Variants in CAMK1D observed in about 807,000 individuals in gnomAD.
The protein encoded by CAMK1D is calcium/calmodulin-dependent protein kinase type 1D.
A neutral mutation model predicts 47.7 loss-of-function variants in CAMK1D; 9 were observed. That is an observed-to-expected ratio of 0.19 (90% CI 0.11 to 0.33). The LOEUF (loss-of-function observed/expected upper bound fraction) is 0.33, where lower values mean the gene tolerates loss of function less well. CAMK1D is among the 10% of genes least tolerant of loss of function. The probability of loss-of-function intolerance (pLI) is 1.00; values close to 1 mark genes in which losing one functional copy is unlikely to be tolerated. For synonymous variants in CAMK1D, 184 were observed against 184.9 expected (o/e 0.99, Z 0.04); for missense variants, 291 against 488.7 (o/e 0.60, Z 3.81).
intron 1 of CAMK1D, among the ~76,000 whole-genome samples, chr10:12,352,549 C>T (rs1290008575): frequency 6.6e-6 from 1 of 151,650 alleles, no homozygotes; most frequent in Admixed American, 6.6e-5. Flanking sequence ...GCAGAGATTT[C>T]AGTGAGTTGA....
At chr10:12,561,466 T>G (rs757545476) in intron 2 of CAMK1D, among the ~76,000 whole-genome samples, 3 of 152,072 alleles carry the variant, frequency 2.0e-5, no homozygotes, top group Non-Finnish European at 2.9e-5. Context: ...ATGATGGCCC[T>G]TCCTTAGCAG....
intron 1 of CAMK1D, among the ~76,000 whole-genome samples, chr10:12,474,182 C>G (rs1053682292): frequency 1.4e-5 from 2 of 146,860 alleles, no homozygotes; most frequent in African/African-American, 5.0e-5. Flanking sequence ...ACTGCTACCT[C>G]TTCAATGAGG....
At chr10:12,697,232 A>G (rs1472703722) in intron 3 of CAMK1D, among the ~76,000 whole-genome samples, 2 of 152,222 alleles carry the variant, frequency 1.3e-5, no homozygotes, top group Admixed American at 1.3e-4. Context: ...AACCAGAGCT[A>G]GAAACAGACT....
intron 1 of CAMK1D, among the ~76,000 whole-genome samples, chr10:12,547,669 C>CTCTT (rs1836430780): frequency 2.9e-5 from 2 of 68,160 alleles, no homozygotes; most frequent in Admixed American, 3.0e-4. Flanking sequence ...CTCTCTCTCT[C>CTCTT]TCTTTCTCTC....
intron 3 of CAMK1D, among the ~76,000 whole-genome samples, chr10:12,692,099 A>C (rs1157994016): frequency 6.6e-6 from 1 of 152,156 alleles, no homozygotes; most frequent in Non-Finnish European, 1.5e-5. Context: ...TTTAAGCCAA[A>C]TGGTTGAATT....
intron 1 of CAMK1D, among the ~76,000 whole-genome samples, chr10:12,371,493 G>A (rs1245242863): frequency 6.6e-6 from 1 of 150,726 alleles, no homozygotes; most frequent in Non-Finnish European, 1.5e-5. Context: ...GGAGAATGGC[G>A]TGAACCCAGT....
chr10:12,479,494 C>T (rs1221228769), intron 1 of CAMK1D, among the ~76,000 whole-genome samples: 1 of 152,194 alleles, frequency 6.6e-6, no homozygotes, highest in African/African-American at 2.4e-5. Flanking sequence ...CGAGCCCGGC[C>T]GAGAAGCTGC....
chr10:12,607,859 G>C (rs1838509351), intron 2 of CAMK1D, among the ~76,000 whole-genome samples: 1 of 152,152 alleles, frequency 6.6e-6, no homozygotes, highest in South Asian at 2.1e-4. Context: ...TACTTGGGAG[G>C]CTGAGGCAGG....
At chr10:12,816,183 G>A (rs1219624995) in intron 7 of CAMK1D, 67 bp from the exon 8 acceptor site, 1 of 1,309,418 alleles carries the variant, frequency 7.6e-7, no homozygotes, top group African/African-American at 1.4e-5. Flanking sequence ...TGAAGACCTG[G>A]TGGGATCATA....
chr10:12,723,771 T>C (rs537517454), intron 3 of CAMK1D, among the ~76,000 whole-genome samples: 9 of 152,338 alleles, frequency 5.9e-5, no homozygotes, highest in African/African-American at 2.2e-4. Flanking sequence ...TTTATATTTT[T>C]TATTATACTT....
rs745945368 is a variant in CAMK1D at position 12,553,315 on chromosome 10, C to T, written c.183C>T (p.Gly61=). The T allele has an allele frequency of 6.2e-7, 1 of 1,614,086 alleles. No homozygotes were observed. The highest frequency in any genetic ancestry group is 1.1e-5 in the South Asian group (1 of 91,082). ...GTATCCCTAAGAAGGCGCTGAAGGGCAAGGAAAGCAGCATAGAGAATGAGA... is the reference window on the plus strand; with the variant it reads ...GTATCCCTAAGAAGGCGCTGAAGGGTAAGGAAAGCAGCATAGAGAATGAGA... The part of the protein sequence containing the change: ...VKCIPKKALK[G]KESSIENEIA... Residue 61 remains glycine (G), a synonymous_variant, in exon 2 of 11, where the codon GGC becomes GGT. Transcript: ENST00000619168.
chr10:12,681,437 C>T (rs981235799), intron 3 of CAMK1D, among the ~76,000 whole-genome samples: 5 of 152,242 alleles, frequency 3.3e-5, no homozygotes, highest in Non-Finnish European at 5.9e-5. Context: ...CTGACCGCAG[C>T]GCAGCTGCCT....
chr10:12,458,905 ATC>A (rs898751470), intron 1 of CAMK1D, among the ~76,000 whole-genome samples: 1 of 125,984 alleles, frequency 7.9e-6, no homozygotes, highest in African/African-American at 3.0e-5. Context: ...TTGAGATGAA[ATC>A]TCGCTCTGTT....
At chr10:12,389,285 GTC>G (rs1838635683) in intron 1 of CAMK1D, among the ~76,000 whole-genome samples, 1 of 152,130 alleles carries the variant, frequency 6.6e-6, no homozygotes, top group South Asian at 2.1e-4. Context: ...CCAGCCCCGG[GTC>G]TGTGCCTAGA....
rs12251549 is a variant in CAMK1D at position 12,726,791 on chromosome 10, A to C, written c.300-34157A>C. ...GGTTCTTGAGCCCACAACCTTACCT[A>C]CTATGACTGTGGTTTTCAAACATGG... On this transcript the variant is annotated intron_variant, in intron 3 of 10. Transcript: ENST00000619168. Among the ~76,000 whole-genome samples, 4 of 152,360 alleles carry C rather than the reference A, an allele frequency of 2.6e-5. No homozygotes were observed. The East Asian group carries it at 7.7e-4, about 29-fold the overall frequency.
intron 2 of CAMK1D, among the ~76,000 whole-genome samples, chr10:12,593,974 C>G (rs980179049): frequency 7.9e-5 from 12 of 152,138 alleles, no homozygotes; most frequent in Non-Finnish European, 1.3e-4. Context: ...GTCAGGAGTT[C>G]GAGACCAGCC....
intron 1 of CAMK1D, among the ~76,000 whole-genome samples, chr10:12,448,508 C>G (rs746759892): frequency 3.9e-5 from 6 of 152,044 alleles, no homozygotes; most frequent in Non-Finnish European, 5.9e-5. Flanking sequence ...ACAGAGTTCT[C>G]TGGAGGAGAA....
intron 1 of CAMK1D, among the ~76,000 whole-genome samples, chr10:12,526,739 G>A (rs113358769): frequency 0.014 from 2,107 of 151,960 alleles, 41 homozygotes; most frequent in African/African-American, 0.048. Context: ...GCAATGTGGC[G>A]AAGCCCCATC....
intron 2 of CAMK1D, among the ~76,000 whole-genome samples, chr10:12,599,116 C>T (rs1367304647): frequency 6.6e-6 from 1 of 152,102 alleles, no homozygotes; most frequent in Non-Finnish European, 1.5e-5. Flanking sequence ...GCCAATAACT[C>T]GCATATAATG....
Sources: gnomAD v4.1 joint callset for allele counts (sites outside exome capture counted in the v4.1 genomes callset) on GRCh38, gnomAD v4.1.1 for gene constraint, MANE v1.5 for transcripts, NCBI Gene and HGNC (gene_info 2026-07-23, HGNC 2026-07-21) for gene names.